The following TAFA1 variants were observed in gnomAD, a reference collection of about 807,000 sequenced individuals.
TAFA1 encodes the protein TAFA chemokine like family member 1, also known as chemokine-like protein TAFA-1.
A neutral mutation model predicts 18.5 loss-of-function variants in TAFA1; 4 were observed. The observed-to-expected ratio is 0.22, with a 90% CI of 0.11 to 0.49. The LOEUF is 0.49. Among genes scored for constraint, TAFA1 ranks in the 20% least tolerant of loss-of-function variants. The probability of loss-of-function intolerance (pLI) is 0.98; values close to 1 mark genes in which losing one functional copy is unlikely to be tolerated. For synonymous variants in TAFA1, 56 were observed against 55.2 expected (o/e 1.01, Z -0.06); for missense variants, 147 against 169.0 (o/e 0.87, Z 0.72).
chr3:68,058,972 A>T (rs549699533), intron 2 of TAFA1, among the ~76,000 whole-genome samples: 2 of 152,140 alleles, frequency 1.3e-5, no homozygotes, highest in Non-Finnish European at 2.9e-5. Context: ...AATTGTGGAG[A>T]TATTTGCTAT....
At chr3:68,150,890 TGGCTAG>T (rs2065799557) in intron 2 of TAFA1, among the ~76,000 whole-genome samples, 1 of 152,162 alleles carries the variant, frequency 6.6e-6, no homozygotes, top group Non-Finnish European at 1.5e-5. Flanking sequence ...ATTAGCCCTA[TGGCTAG>T]CACTTTATTA....
Position 68,468,694 on chromosome 3 carries a change from T to G in TAFA1, c.259+51274T>G, listed in dbSNP as rs754418970. Among the ~76,000 whole-genome samples, 6 of 152,232 alleles carry G rather than the reference T, an allele frequency of 3.9e-5. No individual in the cohort carries two copies. The East Asian group carries it at 5.8e-4, about 15-fold the overall frequency. On this transcript the variant is annotated intron_variant, in intron 3 of 4. Coordinates refer to ENST00000478136, the MANE Select transcript of TAFA1 (RefSeq NM_213609.4). Reference sequence around the variant, plus strand: ...ATCCATGGATTTCAATTACAGTATTTGTGCTCTCTGAGACCCCCATTACTA... The same window carrying G: ...ATCCATGGATTTCAATTACAGTATTGGTGCTCTCTGAGACCCCCATTACTA...
At chr3:68,032,061 G>A (rs9874728) in intron 2 of TAFA1, among the ~76,000 whole-genome samples, 109,386 of 151,936 alleles carry the variant, frequency 0.72, 39,470 homozygotes, top group South Asian at 0.8. Flanking sequence ...TGCACTTTTA[G>A]TCTTAAATCT....
chr3:68,211,429 C>T (rs1316499610), intron 2 of TAFA1, among the ~76,000 whole-genome samples: 1 of 152,046 alleles, frequency 6.6e-6, no homozygotes, highest in Non-Finnish European at 1.5e-5. Flanking sequence ...ATGATTCCGT[C>T]TGAATTTGGA....
In TAFA1 at chr3:68,530,675, C is replaced by T. The variant is rs190197189; in HGVS notation, c.260-8081C>T. Among the ~76,000 whole-genome samples, 76 of 152,170 alleles carry T rather than the reference C, an allele frequency of 5.0e-4. No homozygotes were observed. In the East Asian group the frequency reaches 0.014, roughly 27 times the overall value. ...CCTCGGAGCAGTTATGCATCTACCTCACAAGTTTCTCATGGCTTCGAAAAT... is the reference window on the plus strand; with the variant it reads ...CCTCGGAGCAGTTATGCATCTACCTTACAAGTTTCTCATGGCTTCGAAAAT... On this transcript the variant is annotated intron_variant, in intron 3 of 4. Coordinates refer to ENST00000478136, the MANE Select transcript of TAFA1 (RefSeq NM_213609.4).
chr3:68,170,773 A>G (rs1311023564), intron 2 of TAFA1, among the ~76,000 whole-genome samples: 3 of 144,684 alleles, frequency 2.1e-5, no homozygotes, highest in African/African-American at 7.4e-5. Context: ...CAAGTCATTT[A>G]AGGAAAATTT....
At chr3:68,013,231 G>A (rs1704506397) in intron 2 of TAFA1, among the ~76,000 whole-genome samples, 1 of 152,088 alleles carries the variant, frequency 6.6e-6, no homozygotes, top group Non-Finnish European at 1.5e-5. Context: ...TTCCTTAGTT[G>A]TTACTACTTG....
chr3:68,440,658 G>A (rs1367870367), intron 3 of TAFA1, among the ~76,000 whole-genome samples: 1 of 152,118 alleles, frequency 6.6e-6, no homozygotes, highest in Admixed American at 6.6e-5. Context: ...CTTCATTCCT[G>A]AAGGGTCTGG....
chr3:68,253,634 T>A (rs754217132), intron 2 of TAFA1, among the ~76,000 whole-genome samples: 15 of 152,138 alleles, frequency 9.9e-5, no homozygotes, highest in Non-Finnish European at 2.1e-4. Context: ...CAGGTGATGA[T>A]TGGGTTATGT....
chr3:68,475,894 T>A (rs917181974), intron 3 of TAFA1, among the ~76,000 whole-genome samples: 1 of 152,234 alleles, frequency 6.6e-6, no homozygotes, highest in African/African-American at 2.4e-5. Flanking sequence ...TTTAATTTGC[T>A]TTTCTCTGAT....
At chr3:68,330,473 A>T (rs960974360) in intron 2 of TAFA1, among the ~76,000 whole-genome samples, 1 of 152,228 alleles carries the variant, frequency 6.6e-6, no homozygotes, top group African/African-American at 2.4e-5. Flanking sequence ...ATATGTTTTT[A>T]CTTTGTCTTA....
At chr3:68,465,212 C>G (rs1433237903) in intron 3 of TAFA1, among the ~76,000 whole-genome samples, 1 of 152,226 alleles carries the variant, frequency 6.6e-6, no homozygotes, top group East Asian at 1.9e-4. Context: ...AACAGAGATC[C>G]TCTTTCCTCT....
At chr3:68,540,554 A>T (rs954193974) in intron 4 of TAFA1, among the ~76,000 whole-genome samples, 1 of 152,172 alleles carries the variant, frequency 6.6e-6, no homozygotes, top group Non-Finnish European at 1.5e-5. Flanking sequence ...GGCCAGTATG[A>T]TTGGAATCTA....
intron 2 of TAFA1, among the ~76,000 whole-genome samples, chr3:68,073,556 C>G (rs768367337): frequency 2.0e-5 from 3 of 152,194 alleles, no homozygotes; most frequent in Non-Finnish European, 4.4e-5. Flanking sequence ...CTTTCCTCAC[C>G]AGGACATAGC....
chr3:68,499,392 TTTA>T (rs1475056853), intron 3 of TAFA1, among the ~76,000 whole-genome samples: 1 of 151,678 alleles, frequency 6.6e-6, no homozygotes, highest in East Asian at 1.9e-4. Context: ...TTTGTTTTTG[TTTA>T]TTGTTTGGAG....
chr3:67,995,227 A>C, the TAFA1 span, among the ~76,000 whole-genome samples: 1 of 152,200 alleles, frequency 6.6e-6, no homozygotes, highest in Non-Finnish European at 1.5e-5. Context: ...GGGGGTTGCC[A>C]TAGTGACCAG....
At chr3:68,067,289 T>C (rs1008324181) in intron 2 of TAFA1, among the ~76,000 whole-genome samples, 5 of 152,224 alleles carry the variant, frequency 3.3e-5, no homozygotes, top group African/African-American at 1.2e-4. Flanking sequence ...ATCTTCTTAA[T>C]CTTCTCCAGG....
At chr3:68,352,938 CTTCTG>C (rs1477816764) in intron 2 of TAFA1, among the ~76,000 whole-genome samples, 1 of 152,048 alleles carries the variant, frequency 6.6e-6, no homozygotes, top group Admixed American at 6.6e-5. Context: ...CCTTTGGAGA[CTTCTG>C]TTCTGACCAA....
At chr3:68,449,185 G>T (rs1429428355) in intron 3 of TAFA1, among the ~76,000 whole-genome samples, 2 of 152,206 alleles carry the variant, frequency 1.3e-5, no homozygotes, top group Non-Finnish European at 2.9e-5. Flanking sequence ...TCCTGCAGGA[G>T]GCGGTGTACC....
Sources: allele counts gnomAD v4.1 joint callset (sites outside exome capture counted in the v4.1 genomes callset), GRCh38; gene constraint gnomAD v4.1.1; transcripts MANE v1.5; gene names NCBI Gene and HGNC (gene_info 2026-07-23, HGNC 2026-07-21).